EEA1: variants seen among roughly 807,000 people sequenced by gnomAD.
EEA1 encodes the protein early endosome antigen 1, 162kD.
EEA1 carries 111 observed loss-of-function variants against 209.2 expected under a neutral mutation model. The ratio of observed to expected loss-of-function variants is 0.53; its 90% confidence interval spans 0.45 to 0.62. EEA1 has a LOEUF of 0.62. Among genes scored for constraint, EEA1 ranks in the 20% least tolerant of loss-of-function variants. The probability of loss-of-function intolerance (pLI) is 0.00; values close to 1 mark genes in which losing one functional copy is unlikely to be tolerated. For synonymous variants in EEA1, 536 were observed against 540.6 expected (o/e 0.99, Z 0.12); for missense variants, 1,343 against 1,530.8 (o/e 0.88, Z 2.05).
chr12:92,873,939 C>CT (rs886102058), intron 2 of EEA1, among the ~76,000 whole-genome samples: 53 of 151,242 alleles, frequency 3.5e-4, no homozygotes, highest in Admixed American at 4.0e-4. Flanking sequence ...ATGAGTTCAT[C>CT]TTTTTTTTTA....
intron 1 of EEA1, among the ~76,000 whole-genome samples, chr12:92,898,882 A>G (rs932149527): frequency 6.7e-6 from 1 of 149,670 alleles, no homozygotes; most frequent in African/African-American, 2.5e-5. Flanking sequence ...CATCCAGCCT[A>G]TGTTTCAATA....
chr12:92,896,009 C>T (rs1729973949), intron 1 of EEA1, among the ~76,000 whole-genome samples: 1 of 150,638 alleles, frequency 6.6e-6, no homozygotes, highest in Middle Eastern at 3.2e-3. Flanking sequence ...GACTTTTGCT[C>T]TGTCACCAGG....
chr12:92,789,572 G>A (rs1254350410), intron 21 of EEA1, among the ~76,000 whole-genome samples: 1 of 152,100 alleles, frequency 6.6e-6, no homozygotes, highest in African/African-American at 2.4e-5. Flanking sequence ...CTCGGAGAGG[G>A]GGGTCTGCCA....
Position 92,869,752 on chromosome 12 carries a change from CAAAAAAAAAAAAAAAAAAAAA to C in EEA1, c.118-4786_118-4766del, listed in dbSNP as rs71069185. Among the ~76,000 whole-genome samples, 23 of 26,790 alleles carry C rather than the reference CAAAAAAAAAAAAAAAAAAAAA, an allele frequency of 8.6e-4. No homozygotes were observed. In the South Asian group the frequency reaches 0.014, roughly 16 times the overall value. The allele number at this position is 26,790 out of a possible 152,430, so 17.6% of individuals were successfully genotyped here. ...TGGGTGACACAGTGAGATTCTGCCT[CAAAAAAAAAAAAAAAAAAAAA>C]AAAAAAAAAAAAAAAGGAAAGCCCT... On this transcript the variant is annotated intron_variant, in intron 2 of 28. Transcript: ENST00000322349.
rs1592708032 is a variant in EEA1, at chr12:92,799,097, A to G, written c.2773-11T>C. The G allele has an allele frequency of 6.4e-7, 1 of 1,564,230 alleles. No individual in the cohort carries two copies. The highest frequency in any genetic ancestry group is 1.4e-5 in the African/African-American group (1 of 72,162). Reference sequence around the variant, plus strand: ...CAACTGATGAGAAGCCTGAAAGAAAAAAAAAATCTATTTAGCCTTCATTTG... The same window carrying G: ...CAACTGATGAGAAGCCTGAAAGAAAGAAAAAATCTATTTAGCCTTCATTTG... On this transcript the variant is annotated splice_polypyrimidine_tract_variant and intron_variant, in intron 20 of 28. Coordinates refer to ENST00000322349, the MANE Select transcript of EEA1 (RefSeq NM_003566.4).
intron 5 of EEA1, among the ~76,000 whole-genome samples, chr12:92,854,303 T>C (rs1377570877): frequency 6.6e-6 from 1 of 152,248 alleles, no homozygotes; most frequent in Non-Finnish European, 1.5e-5. Flanking sequence ...TTAAGTCAAC[T>C]GGCAACATTC....
At chr12:92,906,446 T>C (rs1301198476) in intron 1 of EEA1, among the ~76,000 whole-genome samples, 1 of 152,164 alleles carries the variant, frequency 6.6e-6, no homozygotes, top group Non-Finnish European at 1.5e-5. Context: ...AGGATACAAG[T>C]ATTAGAAATT....
chr12:92,925,032 T>C (rs61390911), intron 1 of EEA1, among the ~76,000 whole-genome samples: 39,037 of 151,746 alleles, frequency 0.26, 5,517 homozygotes, highest in Non-Finnish European at 0.32. Flanking sequence ...CCTGAGTTTG[T>C]CCTTCCTAGA....
At chr12:92,849,762 T>C (rs138189394) in intron 9 of EEA1, among the ~76,000 whole-genome samples, 19 of 152,306 alleles carry the variant, frequency 1.2e-4, no homozygotes, top group Non-Finnish European at 1.6e-4. Flanking sequence ...ACCCCAAAGC[T>C]TGATGACATG....
intron 11 of EEA1, among the ~76,000 whole-genome samples, chr12:92,831,558 A>G (rs1876635469): frequency 6.8e-6 from 1 of 147,802 alleles, no homozygotes; most frequent in South Asian, 2.1e-4. Flanking sequence ...ATATCATGAT[A>G]TATTGTGTGT....
intron 14 of EEA1, among the ~76,000 whole-genome samples, chr12:92,816,875 AAAT>A (rs1408101868): frequency 6.8e-6 from 1 of 147,426 alleles, no homozygotes; most frequent in Admixed American, 6.6e-5. Context: ...CACATACTGC[AAAT>A]GTTTTCTCCC....
chr12:92,853,146 A>G (rs1408128000), intron 6 of EEA1, 121 bp from the exon 7 acceptor site: 1 of 608,170 alleles, frequency 1.6e-6, no homozygotes, highest in Non-Finnish European at 2.7e-6. Flanking sequence ...AATTACAAGT[A>G]GTATTTTGAC....
chr12:92,928,235 C>G (rs1881284526), intron 1 of EEA1, among the ~76,000 whole-genome samples: 1 of 151,688 alleles, frequency 6.6e-6, no homozygotes, highest in Non-Finnish European at 1.5e-5. Flanking sequence ...TTATGTTATT[C>G]TAGTAACTGA....
intron 1 of EEA1, among the ~76,000 whole-genome samples, chr12:92,906,117 G>A (rs61935291): frequency 6.7e-6 from 1 of 149,164 alleles, no homozygotes; most frequent in Non-Finnish European, 1.5e-5. Context: ...TCTGAGACAG[G>A]GTCTTACTCT....
At position 92,775,990 on chromosome 12, in the gene EEA1, C is replaced by G; in HGVS notation, c.*21G>C. The G allele has an allele frequency of 6.2e-7, 1 of 1,606,268 alleles. No individual in the cohort carries two copies. Among genetic ancestry groups the G allele is most frequent in the Non-Finnish European group, 8.5e-7 (1 of 1,175,840 alleles). On this transcript the variant is annotated 3_prime_UTR_variant, in exon 29 of 29. Transcript: ENST00000322349. Reference sequence around the variant, plus strand: ...AAAATCTAATGTTAGTGTAATATTACTCTGAAGTTGTGATAACCCATTATC... The same window carrying G: ...AAAATCTAATGTTAGTGTAATATTAGTCTGAAGTTGTGATAACCCATTATC...
chr12:92,924,398 G>A (rs112093111), intron 1 of EEA1, among the ~76,000 whole-genome samples: 9,131 of 151,664 alleles, frequency 0.06, 290 homozygotes, highest in Middle Eastern at 0.11. Context: ...TAGTAGAGAC[G>A]GGGTTTCACT....
intron 1 of EEA1, among the ~76,000 whole-genome samples, chr12:92,919,391 A>ACC (rs1378067910): frequency 7.0e-6 from 1 of 141,894 alleles, no homozygotes; most frequent in East Asian, 2.1e-4. Flanking sequence ...CAAAAAGCTT[A>ACC]TCCACCATGA....
At chr12:92,854,329 T>C (rs1877770471) in intron 5 of EEA1, among the ~76,000 whole-genome samples, 1 of 152,230 alleles carries the variant, frequency 6.6e-6, no homozygotes, top group African/African-American at 2.4e-5. Context: ...TATTAGTATG[T>C]AGCTTTGAAA....
At chr12:92,812,767 T>C (rs181363898) in intron 16 of EEA1, among the ~76,000 whole-genome samples, 173 of 152,274 alleles carry the variant, frequency 1.1e-3, no homozygotes, top group African/African-American at 4.0e-3. Context: ...ACCTGCACAC[T>C]AGTAGAAATT....
Sources: allele counts gnomAD v4.1 joint callset (sites outside exome capture counted in the v4.1 genomes callset), GRCh38; gene constraint gnomAD v4.1.1; transcripts MANE v1.5; gene names NCBI Gene and HGNC (gene_info 2026-07-23, HGNC 2026-07-21).